The following NALF1 variants were observed in gnomAD, a reference collection of about 807,000 sequenced individuals.
NALF1 encodes the protein family with sequence similarity 155 member A.
A neutral mutation model predicts 48.4 loss-of-function variants in NALF1; 3 were observed. That is an observed-to-expected ratio of 0.06 (90% CI 0.03 to 0.16). The LOEUF is 0.16. NALF1 is among the 10% of genes least tolerant of loss of function. The pLI is 1.00. For synonymous variants in NALF1, 262 were observed against 245.7 expected (o/e 1.07, Z -0.62); for missense variants, 526 against 571.5 (o/e 0.92, Z 0.81).
At chr13:107,500,919 A>C (rs1875501421) in intron 1 of NALF1, among the ~76,000 whole-genome samples, 1 of 149,000 alleles carries the variant, frequency 6.7e-6, no homozygotes, top group Admixed American at 6.7e-5. Context: ...ACATGGACAC[A>C]GGAAGGGGAA....
chr13:107,236,679 A>G (rs61965574), intron 1 of NALF1, among the ~76,000 whole-genome samples: 11,065 of 46,548 alleles, frequency 0.24, 472 homozygotes, highest in East Asian at 0.32. Context: ...CTGTCTATCT[A>G]TCTATCTATC....
intron 1 of NALF1, among the ~76,000 whole-genome samples, chr13:107,288,048 A>G (rs1162078802): frequency 6.6e-6 from 1 of 151,884 alleles, no homozygotes. Flanking sequence ...ATAATTCAAA[A>G]GACTTCATTC....
intron 1 of NALF1, among the ~76,000 whole-genome samples, chr13:107,786,442 A>AAT (rs1878074940): frequency 7.9e-6 from 1 of 127,302 alleles, no homozygotes; most frequent in Non-Finnish European, 1.7e-5. Context: ...AAAAAAAAAA[A>AAT]GCCGGGCGCG....
At chr13:107,709,622 G>A (rs1451865239) in intron 1 of NALF1, among the ~76,000 whole-genome samples, 1 of 152,176 alleles carries the variant, frequency 6.6e-6, no homozygotes, top group Non-Finnish European at 1.5e-5. Flanking sequence ...TAAAATTCTG[G>A]TTTATCAATC....
At chr13:107,277,296 C>T (rs1266054781) in intron 1 of NALF1, among the ~76,000 whole-genome samples, 1 of 151,996 alleles carries the variant, frequency 6.6e-6, no homozygotes, top group Non-Finnish European at 1.5e-5. Flanking sequence ...ATTATTAATA[C>T]AACTATAATG....
chr13:107,184,320 C>T (rs1055215407), intron 2 of NALF1, among the ~76,000 whole-genome samples: 1 of 152,002 alleles, frequency 6.6e-6, no homozygotes, highest in African/African-American at 2.4e-5. Context: ...TTTAATTTTG[C>T]CTGAACGGAG....
At chr13:107,444,422 G>A (rs1884614708) in intron 1 of NALF1, among the ~76,000 whole-genome samples, 1 of 152,108 alleles carries the variant, frequency 6.6e-6, no homozygotes, top group African/African-American at 2.4e-5. Flanking sequence ...TATAGGGAAG[G>A]GGAGTGGCAA....
intron 1 of NALF1, among the ~76,000 whole-genome samples, chr13:107,762,198 G>A (rs1461095366): frequency 2.0e-5 from 3 of 150,312 alleles, no homozygotes; most frequent in Non-Finnish European, 4.4e-5. Context: ...TCCTTTATAT[G>A]TAGCTATTGG....
At chr13:107,785,692 G>C (rs1397770955) in intron 1 of NALF1, among the ~76,000 whole-genome samples, 3 of 152,188 alleles carry the variant, frequency 2.0e-5, no homozygotes, top group African/African-American at 7.2e-5. Context: ...CCAATAACCT[G>C]TGGGATAAAA....
chr13:107,776,407 T>C (rs1041641141), intron 1 of NALF1, among the ~76,000 whole-genome samples: 4 of 152,176 alleles, frequency 2.6e-5, no homozygotes, highest in South Asian at 4.1e-4. Context: ...ACACAAGCTG[T>C]TTCTGGCATA....
chr13:107,301,521 G>A (rs370477388), intron 1 of NALF1, among the ~76,000 whole-genome samples: 26 of 151,850 alleles, frequency 1.7e-4, no homozygotes, highest in Admixed American at 1.0e-3. Flanking sequence ...ATTTACCTCC[G>A]AGATTACTAT....
At chr13:107,300,546 T>C (rs1881817481) in intron 1 of NALF1, among the ~76,000 whole-genome samples, 1 of 152,248 alleles carries the variant, frequency 6.6e-6, no homozygotes, top group Non-Finnish European at 1.5e-5. Flanking sequence ...CTTGTTTATT[T>C]ATTGCCATTT....
chr13:107,390,565 A>G (rs1189188758), intron 1 of NALF1, among the ~76,000 whole-genome samples: 4 of 152,112 alleles, frequency 2.6e-5, no homozygotes, highest in Non-Finnish European at 5.9e-5. Context: ...TGGGCGACAG[A>G]GCGAGGCTCC....
intron 1 of NALF1, among the ~76,000 whole-genome samples, chr13:107,813,951 G>C (rs1159646600): frequency 3.3e-5 from 5 of 152,030 alleles, no homozygotes; most frequent in African/African-American, 1.2e-4. Flanking sequence ...AATCAATGTA[G>C]GTATCCAAAA....
chr13:107,865,505 A>G (rs1880686972), intron 1 of NALF1, among the ~76,000 whole-genome samples, 177 bp downstream of exon 1: 1 of 152,168 alleles, frequency 6.6e-6, no homozygotes, highest in South Asian at 2.1e-4. Flanking sequence ...CAGTCAGTCC[A>G]CCAGCAATCC....
chr13:107,430,784 G>C (rs954139651), intron 1 of NALF1, among the ~76,000 whole-genome samples: 1 of 152,168 alleles, frequency 6.6e-6, no homozygotes. Context: ...CTTTATAGCA[G>C]CATGATTTAT....
intron 1 of NALF1, among the ~76,000 whole-genome samples, chr13:107,612,062 G>C (rs1219180999): frequency 3.2e-5 from 3 of 93,010 alleles, no homozygotes; most frequent in Admixed American, 1.1e-4. Flanking sequence ...AGAGGGGAGT[G>C]GGGGGGAGAG....
chr13:107,659,324 C>T (rs1342569648), intron 1 of NALF1, among the ~76,000 whole-genome samples: 4 of 151,904 alleles, frequency 2.6e-5, no homozygotes, highest in Non-Finnish European at 5.9e-5. Context: ...TCTTTTTTTC[C>T]CACTAGATTG....
chr13:107,802,462 G>T (rs1002475711), intron 1 of NALF1, among the ~76,000 whole-genome samples: 1 of 152,004 alleles, frequency 6.6e-6, no homozygotes, highest in Admixed American at 6.6e-5. Context: ...TAAACATTGT[G>T]CATGTATATT....
Sources: gnomAD v4.1 joint callset for allele counts (sites outside exome capture counted in the v4.1 genomes callset) on GRCh38, gnomAD v4.1.1 for gene constraint, MANE v1.5 for transcripts, NCBI Gene and HGNC (gene_info 2026-07-23, HGNC 2026-07-21) for gene names.